The following NRG3 variants were observed in gnomAD, a reference collection of about 807,000 sequenced individuals.
NRG3 encodes pro-neuregulin-3, membrane-bound isoform.
Under a neutral mutation model 66.9 loss-of-function variants are expected in NRG3, and 31 were observed. The observed-to-expected ratio is 0.46, with a 90% CI of 0.35 to 0.63. The LOEUF (loss-of-function observed/expected upper bound fraction) is 0.63, where lower values mean the gene tolerates loss of function less well. Ranked by LOEUF, NRG3 falls within the 20% of genes least tolerant of loss-of-function variation. NRG3 has a pLI of 0.00. For synonymous variants in NRG3, 393 were observed against 359.4 expected, an observed-to-expected ratio of 1.09 and a Z score of -1.06; for missense variants, 910 against 878.9, an observed-to-expected ratio of 1.04 and a Z score of -0.45.
At chr10:82,021,097 C>T (rs2062037547) in intron 1 of NRG3, among the ~76,000 whole-genome samples, 1 of 151,962 alleles carries the variant, frequency 6.6e-6, no homozygotes, top group African/African-American at 2.4e-5. Context: ...TTGAAATGGC[C>T]TTCTTGGCTT....
chr10:82,251,403 A>G (rs575474815), intron 1 of NRG3, among the ~76,000 whole-genome samples: 38 of 152,234 alleles, frequency 2.5e-4, no homozygotes, highest in Non-Finnish European at 4.9e-4. Context: ...CTCCTCATCT[A>G]CAGTGGCCCT....
rs76633596 is a variant in NRG3, at chr10:82,099,453, A to G, written c.823+223290A>G. On this transcript the variant is annotated intron_variant, in intron 1 of 8. Coordinates refer to ENST00000372141, the MANE Select transcript of NRG3 (RefSeq NM_001010848.4). ...CAATTCCACATTGTCTTAATATGGT[A>G]GCTTTTACTATGGTAGCTTTTACTA... Among the ~76,000 whole-genome samples the G allele has an allele frequency of 1.9e-3, 296 of 152,288 alleles. 1 individual carries two copies. Among genetic ancestry groups the G allele is most frequent in the African/African-American group, 6.8e-3 (283 of 41,562 alleles).
intron 4 of NRG3, among the ~76,000 whole-genome samples, chr10:82,874,398 T>C (rs140721826): frequency 6.6e-6 from 1 of 151,838 alleles, no homozygotes; most frequent in African/African-American, 2.4e-5. Context: ...TGAGGATTCT[T>C]TTTTCCTAAG....
At chr10:81,891,394 A>G (rs536600302) in intron 1 of NRG3, among the ~76,000 whole-genome samples, 1 of 152,158 alleles carries the variant, frequency 6.6e-6, no homozygotes, top group African/African-American at 2.4e-5. Flanking sequence ...ACTTTAAGGT[A>G]TTTAAGCATG....
At chr10:82,603,706 A>G (rs1195316678) in intron 2 of NRG3, among the ~76,000 whole-genome samples, 10 of 152,066 alleles carry the variant, frequency 6.6e-5, no homozygotes, top group Admixed American at 6.6e-4. Context: ...ATTTTTAGAT[A>G]ATATATTTAC....
chr10:82,061,361 C>A (rs2064130630), intron 1 of NRG3, among the ~76,000 whole-genome samples: 1 of 152,052 alleles, frequency 6.6e-6, no homozygotes, highest in Admixed American at 6.6e-5. Flanking sequence ...TCAAACAAAA[C>A]AAAACAAAAC....
chr10:81,935,876 AACACACACACACACACACACACAC>A (rs55670416), intron 1 of NRG3, among the ~76,000 whole-genome samples: 1 of 132,438 alleles, frequency 7.6e-6, no homozygotes, highest in Admixed American at 7.7e-5. Context: ...TCAGTGCCTG[AACACACACACACACACACACACAC>A]ACACACACAC....
At chr10:82,266,813 AT>A (rs1438648841) in intron 1 of NRG3, among the ~76,000 whole-genome samples, 1 of 152,208 alleles carries the variant, frequency 6.6e-6, no homozygotes, top group Admixed American at 6.5e-5. Context: ...CCCAGCAGTC[AT>A]GAAGGCAGTT....
Position 81,907,726 on chromosome 10 carries a change from A to G in NRG3, c.823+31563A>G, listed in dbSNP as rs1413275533. Among the ~76,000 whole-genome samples the G allele has an allele frequency of 3.3e-5, 5 of 152,312 alleles. No homozygotes were observed. In the South Asian group the frequency reaches 8.3e-4, roughly 25 times the overall value. ...ATTTGGAGCTGGGTTGTACAGAATT[A>G]TATTTAGCTCTGGGAAACTAATCTT... On this transcript the variant is annotated intron_variant, in intron 1 of 8. Coordinates refer to ENST00000372141, the MANE Select transcript of NRG3 (RefSeq NM_001010848.4).
intron 2 of NRG3, among the ~76,000 whole-genome samples, chr10:82,529,917 C>T (rs943646988): frequency 3.3e-5 from 5 of 152,090 alleles, no homozygotes; most frequent in African/African-American, 1.2e-4. Context: ...GAAGTAGTTG[C>T]AAATGTCTTG....
At chr10:82,454,245 T>C (rs949003366) in intron 2 of NRG3, among the ~76,000 whole-genome samples, 10 of 152,214 alleles carry the variant, frequency 6.6e-5, no homozygotes, top group East Asian at 1.9e-4. Context: ...AGAACCTTCA[T>C]AGACAAGGCA....
At chr10:82,722,340 T>G (rs2057364820) in intron 2 of NRG3, among the ~76,000 whole-genome samples, 2 of 152,176 alleles carry the variant, frequency 1.3e-5, no homozygotes, top group African/African-American at 4.8e-5. Flanking sequence ...AATATTATAT[T>G]TTTGTGTCTA....
chr10:82,040,118 G>A (rs553848742), intron 1 of NRG3, among the ~76,000 whole-genome samples: 1 of 152,174 alleles, frequency 6.6e-6, no homozygotes, highest in East Asian at 1.9e-4. Context: ...AAAATTTTAG[G>A]TGAATACATT....
At chr10:82,284,123 T>C (rs1033744607) in intron 1 of NRG3, among the ~76,000 whole-genome samples, 11 of 152,186 alleles carry the variant, frequency 7.2e-5, no homozygotes, top group African/African-American at 2.7e-4. Context: ...TAGTGACAAA[T>C]GTACCCACTT....
intron 2 of NRG3, among the ~76,000 whole-genome samples, chr10:82,399,752 A>G (rs2136041681): frequency 6.6e-6 from 1 of 152,352 alleles, no homozygotes; most frequent in African/African-American, 2.4e-5. Flanking sequence ...GAGGGGACAC[A>G]AATATGCAAT....
intron 3 of NRG3, among the ~76,000 whole-genome samples, chr10:82,808,718 A>G (rs1422718485): frequency 6.6e-6 from 1 of 152,232 alleles, no homozygotes; most frequent in Non-Finnish European, 1.5e-5. Context: ...AATTTAGACA[A>G]CTAAAGTAAT....
At chr10:82,855,849 GACC>G (rs2063777066) in intron 3 of NRG3, among the ~76,000 whole-genome samples, 1 of 152,078 alleles carries the variant, frequency 6.6e-6, no homozygotes, top group South Asian at 2.1e-4. Context: ...GCATTTTAGT[GACC>G]ATGGAAAATT....
chr10:82,790,044 A>T (rs1258182225), intron 3 of NRG3, among the ~76,000 whole-genome samples: 1 of 152,116 alleles, frequency 6.6e-6, no homozygotes, highest in Non-Finnish European at 1.5e-5. Flanking sequence ...GCATATGCAT[A>T]TGACTTTATG....
intron 1 of NRG3, among the ~76,000 whole-genome samples, chr10:82,300,041 C>T (rs1388789942): frequency 6.6e-6 from 1 of 152,152 alleles, no homozygotes; most frequent in Non-Finnish European, 1.5e-5. Context: ...CACACACACA[C>T]ACCATGTGTT....
Sources: gnomAD v4.1 joint callset for allele counts (sites outside exome capture counted in the v4.1 genomes callset) on GRCh38, gnomAD v4.1.1 for gene constraint, MANE v1.5 for transcripts, NCBI Gene and HGNC (gene_info 2026-07-23, HGNC 2026-07-21) for gene names.